DCAF8L1: variants seen among roughly 807,000 people sequenced by gnomAD.
DCAF8L1 encodes DDB1- and CUL4-associated factor 8-like protein 1.
For synonymous variants in DCAF8L1, 217 were observed against 186.8 expected, an observed-to-expected ratio of 1.16 and a Z score of -1.32; for missense variants, 434 against 481.6, an observed-to-expected ratio of 0.90 and a Z score of 0.92.
rs773947359 is a variant in DCAF8L1, at chrX:27,980,570, A to G, written c.765T>C (p.Thr255=). Residue 255 remains threonine (T), a synonymous_variant, in exon 1 of 1, where the codon ACT becomes ACC. Transcript: ENST00000441525. ...AKFFPNCGDS[T]LAMCGHDGQV... Reference sequence around the variant, plus strand: ...GTCCATCATGGCCACACATGGCCAGAGTGGAATCACCACAGTTAGGAAAGA... The same window carrying G: ...GTCCATCATGGCCACACATGGCCAGGGTGGAATCACCACAGTTAGGAAAGA... 5.8e-6 allele frequency: 7 copies of G among 1,212,305 alleles called. No homozygotes were observed. The South Asian group carries it at 1.2e-4, about 21-fold the overall frequency.
Position 27,978,946 on chromosome X carries a change from C to T in DCAF8L1, c.*586G>A, listed in dbSNP as rs1926580246. 7.2e-6 allele frequency: 5 copies of T among 698,891 alleles called. No homozygotes were observed. Among genetic ancestry groups the T allele is most frequent in the Non-Finnish European group, 1.1e-5 (5 of 453,757 alleles). 57.6% of individuals were successfully genotyped at this position (698,891 alleles called of 1,213,427 possible). A position where few individuals can be genotyped will look rare whatever the true frequency, so the allele number is the denominator to read the frequency against. ...TCCTCTGGTCATAAATCCTTAAAAACCGATCATGTCCACCCACTGCGAATT... is the reference window on the plus strand; with the variant it reads ...TCCTCTGGTCATAAATCCTTAAAAATCGATCATGTCCACCCACTGCGAATT... On this transcript the variant is annotated 3_prime_UTR_variant, in exon 1 of 1. Coordinates refer to ENST00000441525, the MANE Select transcript of DCAF8L1 (RefSeq NM_001017930.2).
At position 27,981,429 on chromosome X, in the gene DCAF8L1, C is replaced by A. The variant is rs879082608; in HGVS notation, c.-95G>T. 1 of 1,090,454 alleles carries A rather than the reference C, an allele frequency of 9.2e-7. No individual in the cohort carries two copies. Among genetic ancestry groups the A allele is most frequent in the African/African-American group, 1.8e-5 (1 of 54,191 alleles). The allele number at this position is 1,090,454 out of a possible 1,213,427, so 89.9% of individuals were successfully genotyped here. A position where few individuals can be genotyped will look rare whatever the true frequency, so the allele number is the denominator to read the frequency against. On this transcript the variant is annotated 5_prime_UTR_variant, in exon 1 of 1. Transcript: ENST00000441525. ...CACGCCTGCCCCGAGGACGGACGGT[C>A]GGAGAAGGCAGTAGGTAAGCAGCAA...
rs750819645 is a variant in DCAF8L1 at position 27,980,878 on chromosome X, A to G, written c.457T>C (p.Ser153Pro). The change falls in exon 1 of 1, where the codon TCT becomes CCT. Residue 153 changes from serine (S) to proline (P), a missense_variant. Ser to Pro is a moderately conservative substitution (Grantham distance 74). Transcript: ENST00000441525. ...AGAGCAGTAAGGACTTGCCAGCGAG[A>G]TCGGGGCAGGGCAGATGTCTCTGAG... is the stretch of plus-strand genomic sequence containing the variant. ...ISSETSALPR[S>P]RWQVLTALRQ... 25 of 1,210,132 alleles carry G rather than the reference A, an allele frequency of 2.1e-5. No individual in the cohort carries two copies. In the Middle Eastern group the frequency reaches 6.9e-4, roughly 33 times the overall value.
rs138100395 is a variant in DCAF8L1 at position 27,979,716 on chromosome X, G to A, written c.1619C>T (p.Thr540Met). 2.1e-5 allele frequency: 25 copies of A among 1,209,048 alleles called. No individual in the cohort carries two copies. In the African/African-American group the frequency reaches 2.6e-4, roughly 13 times the overall value. The change falls in exon 1 of 1, where the codon ACG (threonine) becomes ATG (methionine). Residue 540 changes from threonine (T) to methionine (M), a missense_variant. Physicochemically the swap from Thr to Met is moderately conservative, Grantham distance 81. Coordinates refer to ENST00000441525, the MANE Select transcript of DCAF8L1 (RefSeq NM_001017930.2). ...AAGCATGCGGTTGTCAAACGAGTCC[G>A]TATAGTTCAAGTTGTCTTCATCTCG... ...QERDEDNLNY[T>M]DSFDNRMLRF...
chrX:27,980,493 C>A lies in DCAF8L1; in HGVS notation c.842G>T (p.Arg281Leu), dbSNP rs146103278. 3 of 1,211,898 alleles carry A rather than the reference C, an allele frequency of 2.5e-6. No individual in the cohort carries two copies. The highest frequency in any genetic ancestry group is 3.5e-5 in the South Asian group (2 of 56,978). ...GGCAGGTCCCCTGTGCTTGGCCACA[C>A]GCTTAGTATTCTCGCAATATGATGC... ...INASYCENTK[R>L]VAKHRGPAHE... The change falls in exon 1 of 1, where the codon CGT (arginine) becomes CTT (leucine). Residue 281 changes from arginine (R) to leucine (L), a missense_variant. Coordinates refer to ENST00000441525, the MANE Select transcript of DCAF8L1 (RefSeq NM_001017930.2).
rs1473154987 is a variant in DCAF8L1, at chrX:27,980,698, T to C, written c.637A>G (p.Ser213Gly). Residue 213 changes from serine (S) to glycine (G), a missense_variant, in exon 1 of 1, where the codon AGT (serine) becomes GGT (glycine). Physicochemically the swap from Ser to Gly is moderately conservative, Grantham distance 56. Transcript: ENST00000441525. The stretch of plus-strand genomic sequence containing the variant: ...ATCACCCTTAAGTCATCACCGCTAC[T>C]GGCCAGTCGGGTGCCACGCTGGTTA... ...HFNQRGTRLA[S>G]SGDDLRVIVW... 8.3e-7 allele frequency: 1 copy of C among 1,211,704 alleles called. No individual in the cohort carries two copies. Among genetic ancestry groups the C allele is most frequent in the Non-Finnish European group, 1.1e-6 (1 of 895,429 alleles).
chrX:27,980,031 C>A lies in DCAF8L1; in HGVS notation c.1304G>T (p.Arg435Ile), dbSNP rs746829557. The A allele has an allele frequency of 8.3e-7, 1 of 1,211,553 alleles. No individual in the cohort carries two copies. Among genetic ancestry groups the A allele is most frequent in the South Asian group, 1.8e-5 (1 of 56,945 alleles). The change falls in exon 1 of 1, where the codon AGA (arginine) becomes ATA (isoleucine). Residue 435 changes from arginine (R) to isoleucine (I), a missense_variant. Coordinates refer to ENST00000441525, the MANE Select transcript of DCAF8L1 (RefSeq NM_001017930.2). ...AACACATTTGATTGTGTCATTATTT[C>A]TGTGCCCCTTATATCTCTTAACATA... ...AQYVKRYKGH[R>I]NNDTIKCVNF... is the part of the protein sequence containing the mutation.
In DCAF8L1 at chrX:27,980,799, G is replaced by T; in HGVS notation, c.536C>A (p.Ala179Glu). The part of the protein sequence containing the change: ...SARFVYEACG[A>E]RTFVQRFRLQ... Reference sequence around the variant, plus strand: ...GCGGAAACGCTGCACAAAGGTTCTTGCCCCACAGGCCTCATATACAAAGCG... The same window carrying T: ...GCGGAAACGCTGCACAAAGGTTCTTTCCCCACAGGCCTCATATACAAAGCG... Residue 179 changes from alanine to glutamate, a missense_variant, in exon 1 of 1, where the codon GCA becomes GAA. By Grantham distance (107) the Ala-to-Glu change is moderately radical (BLOSUM62 -1). Transcript: ENST00000441525. The T allele has an allele frequency of 8.3e-7, 1 of 1,209,335 alleles. No individual in the cohort carries two copies.
In DCAF8L1 at chrX:27,978,849, G is replaced by T; in HGVS notation, c.*683C>A. 1 of 925,754 alleles carries T rather than the reference G, an allele frequency of 1.1e-6. No individual in the cohort carries two copies. Among genetic ancestry groups the T allele is most frequent in the Non-Finnish European group, 1.5e-6 (1 of 646,439 alleles). 76.3% of individuals were successfully genotyped at this position (925,754 alleles called of 1,213,427 possible). A position where few individuals can be genotyped will look rare whatever the true frequency, so the allele number is the denominator to read the frequency against. On this transcript the variant is annotated 3_prime_UTR_variant, in exon 1 of 1. Coordinates refer to ENST00000441525, the MANE Select transcript of DCAF8L1 (RefSeq NM_001017930.2). ...TACACAATGCAGGTGATGTTTGTTG[G>T]AAAATCACAATTAACCAGATGATGA...
chrX:27,980,964 C>G lies in DCAF8L1; in HGVS notation c.371G>C (p.Gly124Ala). 8.3e-7 allele frequency: 1 copy of G among 1,211,979 alleles called. No homozygotes were observed. Among genetic ancestry groups the G allele is most frequent in the East Asian group, 3.0e-5 (1 of 33,792 alleles). The change falls in exon 1 of 1, where the codon GGT becomes GCT. Residue 124 changes from glycine to alanine, a missense_variant. By Grantham distance (60) the Gly-to-Ala change is moderately conservative. Coordinates refer to ENST00000441525, the MANE Select transcript of DCAF8L1 (RefSeq NM_001017930.2). ...EEQPRMCPRCGGTNHDQCLLD... is the reference protein window; with the variant it reads ...EEQPRMCPRCAGTNHDQCLLD... ...CAAACACTGATCATGGTTGGTGCCACCGCATCGTGGACACATCCGAGGCTG... is the reference window on the plus strand; with the variant it reads ...CAAACACTGATCATGGTTGGTGCCAGCGCATCGTGGACACATCCGAGGCTG...
rs1457811570 is a variant in DCAF8L1 at position 27,978,790 on chromosome X, A to G, written c.*742T>C. ...AGGCTCTGTGTGTATGTGTGTGTGC[A>G]TAGCTGGCCAGGAGCTCTGTGCCAT... is the stretch of plus-strand genomic sequence containing the variant. On this transcript the variant is annotated 3_prime_UTR_variant, in exon 1 of 1. Transcript: ENST00000441525. The G allele has an allele frequency of 2.4e-6, 2 of 830,187 alleles. No individual in the cohort carries two copies. Among genetic ancestry groups the G allele is most frequent in the Non-Finnish European group, 3.5e-6 (2 of 570,941 alleles). 68.4% of individuals were successfully genotyped at this position (830,187 alleles called of 1,213,427 possible). A position where few individuals can be genotyped will look rare whatever the true frequency, so the allele number is the denominator to read the frequency against.
In DCAF8L1 at chrX:27,980,901, G is replaced by A. The variant is rs770570637; in HGVS notation, c.434C>T (p.Ser145Leu). ...EDQALEEWIS[S>L]ETSALPRSRW... is the part of the protein sequence containing the mutation. The stretch of plus-strand genomic sequence containing the variant: ...AGATCGGGGCAGGGCAGATGTCTCT[G>A]AGGAAATCCACTCCTCCAACGCCTG... The change falls in exon 1 of 1, where the codon TCA (serine) becomes TTA (leucine). Residue 145 changes from serine to leucine, a missense_variant. Physicochemically the swap from Ser to Leu is moderately radical, Grantham distance 145. Coordinates refer to ENST00000441525, the MANE Select transcript of DCAF8L1 (RefSeq NM_001017930.2). The A allele has an allele frequency of 5.8e-6, 7 of 1,210,066 alleles. No individual in the cohort carries two copies. The Admixed American group carries it at 1.3e-4, about 23-fold the overall frequency.
chrX:27,981,145 T>C lies in DCAF8L1; in HGVS notation c.190A>G (p.Ser64Gly). ...GAGTCTGTGTTTTGATTTTCTGTGCTGGCATCGTTCAGGAAACCACCATCC... is the reference window on the plus strand; with the variant it reads ...GAGTCTGTGTTTTGATTTTCTGTGCCGGCATCGTTCAGGAAACCACCATCC... The part of the protein sequence containing the change: ...TRDGGFLNDA[S>G]TENQNTDSES... The change falls in exon 1 of 1, where the codon AGC (serine) becomes GGC (glycine). Residue 64 changes from serine to glycine, a missense_variant. Ser to Gly is a moderately conservative substitution (Grantham distance 56). Transcript: ENST00000441525. The C allele has an allele frequency of 1.7e-6, 2 of 1,212,002 alleles. No homozygotes were observed. The highest frequency in any genetic ancestry group is 1.1e-6 in the Non-Finnish European group (1 of 895,603).
Position 27,980,546 on chromosome X carries a change from T to C in DCAF8L1, c.789A>G (p.Gly263=), listed in dbSNP as rs753735317. Residue 263 remains glycine (G), a synonymous_variant, in exon 1 of 1, where the codon GGA becomes GGG. Transcript: ENST00000441525. ...DSTLAMCGHD[G]QVRVAELINA... ...TAATTAGTTCTGCTACCCGTACCTG[T>C]CCATCATGGCCACACATGGCCAGAG... The C allele has an allele frequency of 9.1e-6, 11 of 1,210,696 alleles. No homozygotes were observed. The highest frequency in any genetic ancestry group is 7.0e-5 in the African/African-American group (4 of 57,403).
rs745802702 is a variant in DCAF8L1 at position 27,978,482 on chromosome X, A to C, written c.*1050T>G. ...AAATATGAGAGATTTTTATATTCCT[A>C]TCTGGTATCTTATAGGAGATGCTTG... On this transcript the variant is annotated 3_prime_UTR_variant, in exon 1 of 1. Transcript: ENST00000441525. The C allele has an allele frequency of 1.7e-5, 2 of 116,170 alleles. No homozygotes were observed. Among genetic ancestry groups the C allele is most frequent in the East Asian group, 5.2e-4 (2 of 3,857 alleles). The allele number at this position is 116,170 out of a possible 1,213,427, so 9.6% of individuals were successfully genotyped here.
At position 27,980,494 on chromosome X, in the gene DCAF8L1, G is replaced by A. The variant is rs758661238; in HGVS notation, c.841C>T (p.Arg281Cys). 10 of 1,210,558 alleles carry A rather than the reference G, an allele frequency of 8.3e-6. No individual in the cohort carries two copies. The African/African-American group carries it at 8.7e-5, about 11-fold the overall frequency. ...GCAGGTCCCCTGTGCTTGGCCACACGCTTAGTATTCTCGCAATATGATGCA... is the reference window on the plus strand; with the variant it reads ...GCAGGTCCCCTGTGCTTGGCCACACACTTAGTATTCTCGCAATATGATGCA... ...INASYCENTK[R>C]VAKHRGPAHE... The change falls in exon 1 of 1, where the codon CGT (arginine) becomes TGT (cysteine). Residue 281 changes from arginine to cysteine, a missense_variant. Arg to Cys is a radical substitution (Grantham distance 180). Coordinates refer to ENST00000441525, the MANE Select transcript of DCAF8L1 (RefSeq NM_001017930.2).
chrX:27,980,876 AGATCGG>A lies in DCAF8L1; in HGVS notation c.453_458del (p.Ser153_Arg154del). The A allele has an allele frequency of 1.7e-6, 2 of 1,211,489 alleles. No individual in the cohort carries two copies. Among genetic ancestry groups the A allele is most frequent in the African/African-American group, 3.5e-5 (2 of 57,905 alleles). ...GAAGAGCAGTAAGGACTTGCCAGCG[AGATCGG>A]GGCAGGGCAGATGTCTCTGAGGAAA... is the stretch of plus-strand genomic sequence containing the variant. On this transcript the variant is annotated inframe_deletion, in exon 1 of 1. Transcript: ENST00000441525.
Position 27,981,296 on chromosome X carries a change from G to A in DCAF8L1, c.39C>T (p.Asp13=). The part of the protein sequence containing the change: ...HQEGSTGGLP[D]LVTESLFSSP... ...TGCTGAACAGGCTTTCAGTCACTAA[G>A]TCTGGTAAGCCACCTGTGCTGCCCT... Residue 13 remains aspartate, a synonymous_variant, in exon 1 of 1, where the codon GAC becomes GAT. Transcript: ENST00000441525. The A allele has an allele frequency of 8.3e-7, 1 of 1,210,266 alleles. No homozygotes were observed. The highest frequency in any genetic ancestry group is 1.1e-6 in the Non-Finnish European group (1 of 894,986).
Position 27,978,895 on chromosome X carries a change from T to C in DCAF8L1, c.*637A>G. On this transcript the variant is annotated 3_prime_UTR_variant, in exon 1 of 1. Transcript: ENST00000441525. ...GATGAAGAGTGAATTTCTTGAGTAC[T>C]CCATTGTTTTCTTTCTCATCAATTC... 1 of 828,216 alleles carries C rather than the reference T, an allele frequency of 1.2e-6. No individual in the cohort carries two copies. The highest frequency in any genetic ancestry group is 2.1e-5 in the South Asian group (1 of 46,859). 68.3% of individuals were successfully genotyped at this position (828,216 alleles called of 1,213,427 possible).
Sources: gnomAD v4.1 joint callset for allele counts on GRCh38, gnomAD v4.1.1 for gene constraint, MANE v1.5 for transcripts, NCBI Gene and HGNC (gene_info 2026-07-23, HGNC 2026-07-21) for gene names.